The following SPAG16 variants were observed in gnomAD, a reference collection of about 807,000 sequenced individuals.
The protein encoded by SPAG16 is sperm-associated antigen 16 protein.
A neutral mutation model predicts 80.4 loss-of-function variants in SPAG16; 86 were observed. The ratio of observed to expected loss-of-function variants is 1.07; its 90% CI spans 0.90 to 1.28. The LOEUF (loss-of-function observed/expected upper bound fraction) is 1.28, where lower values mean the gene tolerates loss of function less well. Among genes scored for constraint, SPAG16 ranks in the 50% most tolerant of loss-of-function variants. SPAG16 has a pLI of 0.00. For synonymous variants in SPAG16, 294 were observed against 265.9 expected (o/e 1.11, Z -1.03); for missense variants, 870 against 765.3 (o/e 1.14, Z -1.61).
chr2:213,321,921 C>T (rs1416534372), intron 5 of SPAG16, among the ~76,000 whole-genome samples: 1 of 151,752 alleles, frequency 6.6e-6, no homozygotes, highest in Non-Finnish European at 1.5e-5. Context: ...AAATGTAGAC[C>T]AATTGTTATT....
chr2:213,856,231 C>A (rs2075162095), intron 10 of SPAG16, among the ~76,000 whole-genome samples: 1 of 152,250 alleles, frequency 6.6e-6, no homozygotes. Flanking sequence ...TTCTCTTTGA[C>A]TCCATGTCTC....
chr2:214,057,239 TA>T (rs1485137122), intron 13 of SPAG16, among the ~76,000 whole-genome samples: 3 of 151,588 alleles, frequency 2.0e-5, no homozygotes, highest in Non-Finnish European at 4.4e-5. Context: ...CTATGGCAGC[TA>T]TACCTTATAA....
chr2:213,297,995 G>T (rs936107262), intron 3 of SPAG16, among the ~76,000 whole-genome samples: 2 of 152,156 alleles, frequency 1.3e-5, no homozygotes, highest in Non-Finnish European at 2.9e-5. Context: ...ACAGAGAAAT[G>T]TGAAGGAATT....
intron 10 of SPAG16, among the ~76,000 whole-genome samples, chr2:213,579,504 G>A (rs2060232117): frequency 1.3e-5 from 2 of 152,028 alleles, no homozygotes; most frequent in African/African-American, 4.8e-5. Context: ...ATTTTCATTT[G>A]ATCTAAAATA....
At chr2:213,446,812 A>G (rs1264588310) in intron 9 of SPAG16, among the ~76,000 whole-genome samples, 4 of 152,112 alleles carry the variant, frequency 2.6e-5, no homozygotes, top group Admixed American at 2.0e-4. Context: ...TAATGTTACT[A>G]TGGGTTATAA....
chr2:214,400,869 T>C (rs1425648990), intron 15 of SPAG16, among the ~76,000 whole-genome samples: 1 of 152,064 alleles, frequency 6.6e-6, no homozygotes, highest in Non-Finnish European at 1.5e-5. Flanking sequence ...TATGAACTTC[T>C]ACCAAGATAA....
intron 13 of SPAG16, among the ~76,000 whole-genome samples, chr2:214,034,669 C>T (rs1459313063): frequency 1.3e-5 from 2 of 152,204 alleles, no homozygotes; most frequent in African/African-American, 4.8e-5. Flanking sequence ...GCAGCCAGAC[C>T]AGACATCCTG....
chr2:214,293,543 G>A (rs985943220), intron 15 of SPAG16, among the ~76,000 whole-genome samples: 2 of 152,208 alleles, frequency 1.3e-5, no homozygotes, highest in African/African-American at 2.4e-5. Flanking sequence ...CAGGCACTAC[G>A]TATGATAGGC....
chr2:213,537,694 T>C (rs1434690633), intron 10 of SPAG16, among the ~76,000 whole-genome samples: 1 of 152,144 alleles, frequency 6.6e-6, no homozygotes, highest in Non-Finnish European at 1.5e-5. Context: ...TGATTTCAGT[T>C]TGGTTTAGTT....
intron 15 of SPAG16, chr2:214,241,492 TC>T (rs1689480936): frequency 6.6e-6 from 1 of 152,196 alleles, no homozygotes; most frequent in Non-Finnish European, 1.5e-5. Flanking sequence ...TTTCCCAGCA[TC>T]TTTTGTGTTG....
At chr2:213,458,074 T>C (rs1442293438) in intron 9 of SPAG16, among the ~76,000 whole-genome samples, 1 of 152,150 alleles carries the variant, frequency 6.6e-6, no homozygotes, top group African/African-American at 2.4e-5. Context: ...ATTTATTCCC[T>C]TTCCTTTTTT....
At chr2:214,242,432 G>C (rs1004071780) in intron 15 of SPAG16, among the ~76,000 whole-genome samples, 5 of 152,108 alleles carry the variant, frequency 3.3e-5, no homozygotes, top group African/African-American at 1.2e-4. Flanking sequence ...GTCAAAGAAA[G>C]GAAGGAAGCT....
rs569268889 is a variant in SPAG16, at chr2:214,346,754, A to G, written c.1721-63386A>G. ...GGCCATGTGTAAGCACTTCTGCTAA[A>G]TAAGCCCATTCTTCCAGCCATTCCC... On this transcript the variant is annotated intron_variant, in intron 15 of 15. Coordinates refer to ENST00000331683, the MANE Select transcript of SPAG16 (RefSeq NM_024532.5). Among the ~76,000 whole-genome samples the G allele has an allele frequency of 1.2e-3, 183 of 152,312 alleles. 1 individual carries two copies. The highest frequency in any genetic ancestry group is 4.2e-3 in the African/African-American group (174 of 41,572).
In SPAG16 at chr2:213,513,471, C is replaced by T. The variant is rs150197796; in HGVS notation, c.1070+23381C>T. 1.5e-3 allele frequency among the ~76,000 whole-genome samples: 229 copies of T among 152,142 alleles called. 2 individuals carry two copies. The highest frequency in any genetic ancestry group is 4.7e-3 in the African/African-American group (194 of 41,504). ...CTGGGCAATGGAGATGTTCCTATTT[C>T]GATAGCTTTTCTGAGCATCTTTTTT... On this transcript the variant is annotated intron_variant, in intron 10 of 15. Coordinates refer to ENST00000331683, the MANE Select transcript of SPAG16 (RefSeq NM_024532.5).
At chr2:213,651,667 T>C (rs2063028967) in intron 10 of SPAG16, among the ~76,000 whole-genome samples, 1 of 152,168 alleles carries the variant, frequency 6.6e-6, no homozygotes, top group South Asian at 2.1e-4. Context: ...TCTCTGTGGT[T>C]CACTCTAATC....
In SPAG16 at chr2:213,489,605, G is replaced by A. The variant is rs114344594; in HGVS notation, c.943-358G>A. On this transcript the variant is annotated intron_variant, in intron 9 of 15. Transcript: ENST00000331683. The stretch of plus-strand genomic sequence containing the variant: ...AGGGGCATAAGAATTGTAGACTTTC[G>A]ACTGCTGACACTACGGTTGGGCCTG... 4.3e-3 allele frequency among the ~76,000 whole-genome samples: 651 copies of A among 152,104 alleles called. 6 individuals are homozygous for A. Among genetic ancestry groups the A allele is most frequent in the African/African-American group, 0.014 (584 of 41,454 alleles).
chr2:213,742,596 A>G (rs2067614613), intron 10 of SPAG16, among the ~76,000 whole-genome samples: 1 of 132,214 alleles, frequency 7.6e-6, no homozygotes, highest in East Asian at 2.2e-4. Flanking sequence ...CTTGTCGCCC[A>G]GGCTGGAGTG....
At chr2:213,573,784 T>C (rs1312670158) in intron 10 of SPAG16, among the ~76,000 whole-genome samples, 1 of 152,230 alleles carries the variant, frequency 6.6e-6, no homozygotes, top group East Asian at 1.9e-4. Context: ...AAAGATTTGA[T>C]AATTTTCTAA....
chr2:214,236,594 G>T (rs562453712), intron 15 of SPAG16, among the ~76,000 whole-genome samples: 2,496 of 151,946 alleles, frequency 0.016, 42 homozygotes, highest in African/African-American at 0.038. Context: ...AGAGGTTATA[G>T]TGAGCCAAGA....
Sources: allele counts gnomAD v4.1 joint callset (sites outside exome capture counted in the v4.1 genomes callset), GRCh38; gene constraint gnomAD v4.1.1; transcripts MANE v1.5; gene names NCBI Gene and HGNC (gene_info 2026-07-23, HGNC 2026-07-21).